ANXA4: variants seen among roughly 807,000 people sequenced by gnomAD.
ANXA4 encodes annexin A4, also known as 35-beta calcimedin.
A neutral mutation model predicts 49.8 loss-of-function variants in ANXA4; 39 were observed. The ratio of observed to expected loss-of-function variants is 0.78; its 90% CI spans 0.61 to 1.02. ANXA4 has a LOEUF of 1.02. Ranked by LOEUF, ANXA4 falls within the 50% of genes least tolerant of loss-of-function variation. The pLI is 0.00. For synonymous variants in ANXA4, 134 were observed against 152.5 expected (o/e 0.88, Z 0.89); for missense variants, 360 against 410.1 (o/e 0.88, Z 1.05).
chr2:69,788,020 G>A (rs1457170228), intron 2 of ANXA4, 34 bp from the exon 3 acceptor site: 5 of 1,582,602 alleles, frequency 3.2e-6, no homozygotes, highest in East Asian at 4.5e-5. Context: ...GTGAGAGGCT[G>A]CCTCTCAGTA....
At chr2:69,699,313 A>G (rs1678258422) in intron 2 of ANXA4, among the ~76,000 whole-genome samples, 1 of 152,176 alleles carries the variant, frequency 6.6e-6, no homozygotes, top group Admixed American at 6.5e-5. Flanking sequence ...AGATGTGGAA[A>G]GCACATGTGA....
chr2:69,775,000 C>A (rs1472872879), intron 1 of ANXA4, among the ~76,000 whole-genome samples: 1 of 152,182 alleles, frequency 6.6e-6, no homozygotes, highest in African/African-American at 2.4e-5. Context: ...GTGTTCGAAA[C>A]CTAAGACACT....
intron 3 of ANXA4, among the ~76,000 whole-genome samples, chr2:69,798,917 C>A (rs1395620107): frequency 1.3e-5 from 2 of 152,112 alleles, no homozygotes; most frequent in Admixed American, 1.3e-4. Context: ...ACACACACAT[C>A]GAGTGAGTTT....
chr2:69,763,289 G>A (rs1373688847), intron 1 of ANXA4, among the ~76,000 whole-genome samples: 1 of 152,196 alleles, frequency 6.6e-6, no homozygotes, highest in Non-Finnish European at 1.5e-5. Context: ...CCAGAACAAA[G>A]TGAGACTTTG....
At chr2:69,817,284 G>T (rs1418464292) in intron 9 of ANXA4, 2 of 152,238 alleles carry the variant, frequency 1.3e-5, no homozygotes, top group African/African-American at 2.4e-5. Context: ...TTTAAGCACT[G>T]TTTGGACTAG....
At chr2:69,823,853 T>C (rs935504748) in intron 12 of ANXA4, among the ~76,000 whole-genome samples, 3 of 152,184 alleles carry the variant, frequency 2.0e-5, no homozygotes, top group Admixed American at 2.0e-4. Flanking sequence ...GCTTAACAGA[T>C]ACTTATTAAA....
intron 7 of ANXA4, 73 bp from the exon 8 acceptor site, chr2:69,812,580 G>A (rs752457855): frequency 6.9e-6 from 9 of 1,310,816 alleles, no homozygotes; most frequent in Non-Finnish European, 9.7e-6. Flanking sequence ...CTCTAGACCT[G>A]CTATCTTAAT....
At chr2:69,663,524 G>A (rs1211935113) in intron 2 of ANXA4, among the ~76,000 whole-genome samples, 2 of 151,958 alleles carry the variant, frequency 1.3e-5, no homozygotes, top group Non-Finnish European at 2.9e-5. Flanking sequence ...GCTGGGCATG[G>A]TGACACAAGA....
At chr2:69,756,928 A>ATTT in intron 1 of ANXA4, among the ~76,000 whole-genome samples, 1 of 103,744 alleles carries the variant, frequency 9.6e-6, no homozygotes, top group Non-Finnish European at 1.9e-5. Flanking sequence ...TAATTAATTA[A>ATTT]TTATTATTTT....
chr2:69,767,850 C>A lies in ANXA4; in HGVS notation c.-46-13670C>A, dbSNP rs1175854831. ...AATGTAACAATTTAAAGTTTTTATT[C>A]TGTCATGATTCTAAAAGCCTCTAGA... On this transcript the variant is annotated intron_variant, in intron 1 of 12. Coordinates refer to ENST00000394295, the MANE Select transcript of ANXA4 (RefSeq NM_001153.5). Among the ~76,000 whole-genome samples, 3 of 152,120 alleles carry A rather than the reference C, an allele frequency of 2.0e-5. No homozygotes were observed. The East Asian group carries it at 5.8e-4, about 29-fold the overall frequency.
At position 69,656,367 on chromosome 2, in the gene ANXA4, GTGTATATATGTGTA is replaced by G. The variant is rs1559046666; in HGVS notation, n.766+3087_766+3100del. On this transcript the variant is annotated intron_variant and non_coding_transcript_variant, in intron 2 of 3. Coordinates refer to the ANXA4 transcript ENST00000418066. ...TATGTGTATATATGTGTATATATAT[GTGTATATATGTGTA>G]TATATATGTGTATATATATGTATAT... 2.9e-4 allele frequency among the ~76,000 whole-genome samples: 36 copies of G among 125,082 alleles called. 2 individuals are homozygous for G. In the East Asian group the frequency reaches 6.8e-3, roughly 24 times the overall value. The allele number at this position is 125,082 out of a possible 152,430, so 82.1% of individuals were successfully genotyped here. A position where few individuals can be genotyped will look rare whatever the true frequency, so the allele number is the denominator to read the frequency against.
At chr2:69,650,251 T>A (rs1190075584) in intron 1 of ANXA4, among the ~76,000 whole-genome samples, 1 of 152,026 alleles carries the variant, frequency 6.6e-6, no homozygotes, top group Non-Finnish European at 1.5e-5. Context: ...ATTTTCTTTC[T>A]AAGGCTACGT....
chr2:69,824,383 G>T (rs986396370), intron 12 of ANXA4, among the ~76,000 whole-genome samples: 1 of 151,834 alleles, frequency 6.6e-6, no homozygotes, highest in Non-Finnish European at 1.5e-5. Flanking sequence ...TGTACCTGTA[G>T]TGCCAGCTAC....
intron 1 of ANXA4, among the ~76,000 whole-genome samples, chr2:69,750,505 T>G (rs896169051): frequency 6.6e-6 from 1 of 152,228 alleles, no homozygotes; most frequent in South Asian, 2.1e-4. Context: ...CTCAAACTCC[T>G]GGGCGCAGGT....
chr2:69,648,193 A>G (rs1023660848), intron 1 of ANXA4, among the ~76,000 whole-genome samples: 1 of 152,214 alleles, frequency 6.6e-6, no homozygotes, highest in African/African-American at 2.4e-5. Flanking sequence ...TGAAGTGTGC[A>G]TTACTTTTAT....
At chr2:69,714,538 C>T (rs1678809876) in intron 2 of ANXA4, among the ~76,000 whole-genome samples, 1 of 152,230 alleles carries the variant, frequency 6.6e-6, no homozygotes, top group South Asian at 2.1e-4. Context: ...GTGTGCCCAT[C>T]AGTGTATCAA....
intron 1 of ANXA4, 38 bp from the exon 2 acceptor site, chr2:69,781,482 C>G: frequency 6.6e-7 from 1 of 1,520,606 alleles, no homozygotes. Flanking sequence ...AATGCCATTT[C>G]CTTCATCACA....
chr2:69,810,581 ACT>A lies in ANXA4; in HGVS notation c.398-8_398-7del. 6.2e-7 allele frequency: 1 copy of A among 1,611,938 alleles called. No individual in the cohort carries two copies. Among genetic ancestry groups the A allele is most frequent in the Non-Finnish European group, 8.5e-7 (1 of 1,178,200 alleles). On this transcript the variant is annotated splice_polypyrimidine_tract_variant and intron_variant, in intron 6 of 12. Coordinates refer to ENST00000394295, the MANE Select transcript of ANXA4 (RefSeq NM_001153.5). ...TCTTAATTCTGAAGTAGCTAATTTC[ACT>A]CTCTTGCTAGAATATGGACGGAGCC...
intron 1 of ANXA4, among the ~76,000 whole-genome samples, chr2:69,762,979 A>C (rs1325829489): frequency 6.6e-6 from 1 of 152,114 alleles, no homozygotes; most frequent in Admixed American, 6.5e-5. Context: ...TGACCATCCT[A>C]GTCTTTTCCA....
Sources: allele counts gnomAD v4.1 joint callset (sites outside exome capture counted in the v4.1 genomes callset), GRCh38; gene constraint gnomAD v4.1.1; transcripts MANE v1.5; gene names NCBI Gene and HGNC (gene_info 2026-07-23, HGNC 2026-07-21).